MDFIC: variants seen among roughly 807,000 people sequenced by gnomAD.
MDFIC encodes myoD family inhibitor domain-containing protein.
Under a neutral mutation model 23.2 loss-of-function variants are expected in MDFIC, and 17 were observed. The ratio of observed to expected loss-of-function variants is 0.73; its 90% confidence interval spans 0.50 to 1.10. MDFIC has a LOEUF of 1.10. Among genes scored for constraint, MDFIC ranks in the 50% least tolerant of loss-of-function variants. The probability of loss-of-function intolerance (pLI) is 0.00; values close to 1 mark genes in which losing one functional copy is unlikely to be tolerated. For synonymous variants in MDFIC, 120 were observed against 115.2 expected (o/e 1.04, Z -0.27); for missense variants, 356 against 316.6 (o/e 1.12, Z -0.95).
chr7:114,923,494 T>C (rs1792133076), intron 2 of MDFIC: 1 of 1,537,900 alleles, frequency 6.5e-7, no homozygotes, highest in Non-Finnish European at 8.7e-7. Flanking sequence ...CGCAGCTCTC[T>C]GAACAAGCGT....
intron 3 of MDFIC, among the ~76,000 whole-genome samples, chr7:114,956,903 A>G (rs1247634717): frequency 6.6e-6 from 1 of 152,196 alleles, no homozygotes; most frequent in African/African-American, 2.4e-5. Flanking sequence ...TACAGTTATG[A>G]CTGATGGCCC....
chr7:114,922,422 C>A lies in MDFIC; in HGVS notation c.-322C>A, dbSNP rs1046645419. 1.6e-6 allele frequency: 2 copies of A among 1,240,080 alleles called. No individual in the cohort carries two copies. Among genetic ancestry groups the A allele is most frequent in the African/African-American group, 3.1e-5 (2 of 64,532 alleles). The allele number at this position is 1,240,080 out of a possible 1,614,324, so 76.8% of individuals were successfully genotyped here. ...GGCTGGAAAGAGGGGGCGGAGTGCG[C>A]GGAGTCAGAGCCGCCACCGCTGCCG... On this transcript the variant is annotated 5_prime_UTR_variant, in exon 1 of 5. Transcript: ENST00000393486.
intron 4 of MDFIC, among the ~76,000 whole-genome samples, chr7:114,998,419 G>A (rs1042175904): frequency 3.3e-5 from 5 of 152,014 alleles, no homozygotes; most frequent in African/African-American, 1.2e-4. Context: ...TGAAAAATGA[G>A]TTGCATTGTT....
chr7:115,017,416 G>A lies in MDFIC; in HGVS notation c.*1481G>A, dbSNP rs1353168411. On this transcript the variant is annotated 3_prime_UTR_variant, in exon 5 of 5. Transcript: ENST00000393486. ...CTTTCTTTTATTTTGAGAGCTTTAG[G>A]TCTTTTTGGGATGAGAACATTTTAG... 3 of 152,256 alleles carry A rather than the reference G, an allele frequency of 2.0e-5. No individual in the cohort carries two copies. The highest frequency in any genetic ancestry group is 4.8e-5 in the African/African-American group (2 of 41,404). 9.4% of individuals were successfully genotyped at this position (152,256 alleles called of 1,614,324 possible). A position where few individuals can be genotyped will look rare whatever the true frequency, so the allele number is the denominator to read the frequency against.
rs1379064218 is a variant in MDFIC at position 114,991,604 on chromosome 7, G to A, written c.493+11823G>A. Among the ~76,000 whole-genome samples, 6 of 152,082 alleles carry A rather than the reference G, an allele frequency of 3.9e-5. No homozygotes were observed. The South Asian group carries it at 1.2e-3, about 32-fold the overall frequency. On this transcript the variant is annotated intron_variant, in intron 4 of 4. Coordinates refer to ENST00000393486, the MANE Select transcript of MDFIC (RefSeq NM_001166345.3). ...TTTCCCAGCACCATGTATTAAATAG[G>A]GAATCCTTTCCCCATTTCTTGTTTT...
chr7:115,016,596 G>A lies in MDFIC; in HGVS notation c.*661G>A, dbSNP rs1040694124. ...TGCAGTGAGCCGAGATTGTGCCACTGAACTCCAACCTGCACTCCAGCCTGG... is the reference window on the plus strand; with the variant it reads ...TGCAGTGAGCCGAGATTGTGCCACTAAACTCCAACCTGCACTCCAGCCTGG... On this transcript the variant is annotated 3_prime_UTR_variant, in exon 5 of 5. Transcript: ENST00000393486. 1 of 154,660 alleles carries A rather than the reference G, an allele frequency of 6.5e-6. No homozygotes were observed. Among genetic ancestry groups the A allele is most frequent in the African/African-American group, 2.4e-5 (1 of 41,376 alleles). 9.6% of individuals were successfully genotyped at this position (154,660 alleles called of 1,614,324 possible).
rs138747114 is a variant in MDFIC, at chr7:115,000,553, C to T, written c.494-15135C>T. Among the ~76,000 whole-genome samples the T allele has an allele frequency of 2.6e-5, 4 of 152,270 alleles. No individual in the cohort carries two copies. In the East Asian group the frequency reaches 5.8e-4, roughly 22 times the overall value. ...TAAAAGTAATTTATTTTGTAACATA[C>T]ATGTTTTATAAATTTGCATTTCTGT... On this transcript the variant is annotated intron_variant, in intron 4 of 4. Transcript: ENST00000393486.
chr7:115,005,692 G>A (rs1307414948), intron 4 of MDFIC, among the ~76,000 whole-genome samples: 1 of 152,136 alleles, frequency 6.6e-6, no homozygotes, highest in Non-Finnish European at 1.5e-5. Flanking sequence ...CAAACAACAT[G>A]TTCATAGATC....
chr7:115,005,471 A>G (rs540640804), intron 4 of MDFIC, among the ~76,000 whole-genome samples: 49 of 152,190 alleles, frequency 3.2e-4, no homozygotes, highest in Non-Finnish European at 5.3e-4. Flanking sequence ...AGCTTGCCCA[A>G]ATGGTAATAG....
chr7:114,979,482 G>C (rs777681474), intron 3 of MDFIC, 24 bp from the exon 4 acceptor site: 3 of 1,565,214 alleles, frequency 1.9e-6, no homozygotes, highest in East Asian at 4.5e-5. Context: ...TTAACTGGCT[G>C]ACTTTTTCCT....
At chr7:114,972,888 G>C (rs1344733693) in intron 3 of MDFIC, among the ~76,000 whole-genome samples, 2 of 152,116 alleles carry the variant, frequency 1.3e-5, no homozygotes, top group Non-Finnish European at 2.9e-5. Flanking sequence ...AAAGTGCTAG[G>C]CTCTGCACCT....
intron 3 of MDFIC, among the ~76,000 whole-genome samples, chr7:114,945,947 T>A (rs1792635483): frequency 6.6e-6 from 1 of 152,242 alleles, no homozygotes; most frequent in African/African-American, 2.4e-5. Flanking sequence ...GAGCACCAAC[T>A]AAGCCTTTGG....
chr7:114,979,685 A>C lies in MDFIC; in HGVS notation c.397A>C (p.Arg133=). 1 of 1,614,160 alleles carries C rather than the reference A, an allele frequency of 6.2e-7. No homozygotes were observed. The highest frequency in any genetic ancestry group is 8.5e-7 in the Non-Finnish European group (1 of 1,180,012). The change falls in exon 4 of 5, where the codon AGA becomes CGA. Residue 133 remains arginine, a synonymous_variant. Transcript: ENST00000393486. ...AGCACCTGTTTCTCAAAAAATGCAT[A>C]GAAAAATTCAGTCCAGCTTGTCTGT... is the stretch of plus-strand genomic sequence containing the variant. The part of the protein sequence containing the change: ...LSAPVSQKMH[R]KIQSSLSVNS...
chr7:114,950,763 A>G (rs1792752614), intron 3 of MDFIC, among the ~76,000 whole-genome samples: 1 of 152,166 alleles, frequency 6.6e-6, no homozygotes, highest in African/African-American at 2.4e-5. Context: ...ATTGCCATAT[A>G]TAACAGCTGG....
chr7:115,006,069 A>C (rs1791565270), intron 4 of MDFIC, among the ~76,000 whole-genome samples: 1 of 152,046 alleles, frequency 6.6e-6, no homozygotes. Context: ...TGGGGAGTGC[A>C]TCCTGGGTCT....
At chr7:114,957,258 G>T (rs2709503) in intron 3 of MDFIC, among the ~76,000 whole-genome samples, 150,751 of 152,282 alleles carry the variant, frequency 0.99, 74,633 homozygotes, top group Middle Eastern at 1. Context: ...GGATGAAAAC[G>T]ATTTTGCCTA....
intron 3 of MDFIC, among the ~76,000 whole-genome samples, chr7:114,955,006 A>C (rs943060899): frequency 6.6e-6 from 1 of 152,026 alleles, no homozygotes; most frequent in African/African-American, 2.4e-5. Context: ...GGTCTTTTGC[A>C]TACCAGATCT....
chr7:114,984,190 ATCT>A (rs1212894373), intron 4 of MDFIC, among the ~76,000 whole-genome samples: 3 of 152,130 alleles, frequency 2.0e-5, no homozygotes, highest in Admixed American at 1.3e-4. Flanking sequence ...CCAAGCAGGG[ATCT>A]TCTTCTTAGT....
chr7:115,010,590 G>A (rs548450807), intron 4 of MDFIC, among the ~76,000 whole-genome samples: 2 of 152,066 alleles, frequency 1.3e-5, no homozygotes, highest in Non-Finnish European at 2.9e-5. Flanking sequence ...ATGCATTTTG[G>A]TTTGTGGCTT....
Sources: allele counts gnomAD v4.1 joint callset (sites outside exome capture counted in the v4.1 genomes callset), GRCh38; gene constraint gnomAD v4.1.1; transcripts MANE v1.5; gene names NCBI Gene and HGNC (gene_info 2026-07-23, HGNC 2026-07-21).